PEX7: variants seen among roughly 807,000 people sequenced by gnomAD.
The protein encoded by PEX7 is PTS2 receptor.
A neutral mutation model predicts 47.5 loss-of-function variants in PEX7; 34 were observed. That is an observed-to-expected ratio of 0.72 (90% CI 0.54 to 0.95). The LOEUF (loss-of-function observed/expected upper bound fraction) is 0.95. Ranked by LOEUF, PEX7 falls within the 40% of genes least tolerant of loss-of-function variation. PEX7 has a pLI of 0.00. For missense variants in PEX7, 394 were observed against 400.3 expected (o/e 0.98, Z 0.13); for synonymous variants, 141 against 148.8 (o/e 0.95, Z 0.38).
Position 136,846,139 on chromosome 6 carries a change from A to T in PEX7, c.484A>T (p.Ile162Phe). ...CCATGAAAGTATTATTTATAGCACA[A>T]TCTGGTCTCCCCACATCCCTGGTTG... Reference protein sequence around the residue: ...RGHESIIYSTIWSPHIPGCFA... With the variant: ...RGHESIIYSTFWSPHIPGCFA... The change falls in exon 5 of 10, where the codon ATC becomes TTC. Residue 162 changes from isoleucine to phenylalanine, a missense_variant. Ile to Phe is a conservative substitution (Grantham distance 21). Coordinates refer to ENST00000318471, the MANE Select transcript of PEX7 (RefSeq NM_000288.4). 1 of 1,613,568 alleles carries T rather than the reference A, an allele frequency of 6.2e-7. No individual in the cohort carries two copies. Among genetic ancestry groups the T allele is most frequent in the Non-Finnish European group, 8.5e-7 (1 of 1,179,624 alleles).
chr6:136,869,332 C>G (rs750232029), intron 6 of PEX7, among the ~76,000 whole-genome samples: 1 of 152,072 alleles, frequency 6.6e-6, no homozygotes, highest in Non-Finnish European at 1.5e-5. Flanking sequence ...GCCTCTGACT[C>G]TTGGGCTCAC....
chr6:136,891,651 CTT>C (rs56658273), intron 8 of PEX7, among the ~76,000 whole-genome samples: 24 of 140,526 alleles, frequency 1.7e-4, no homozygotes, highest in African/African-American at 2.1e-4. Flanking sequence ...TTCAACAGCC[CTT>C]TTTTTTTTTT....
intron 8 of PEX7, among the ~76,000 whole-genome samples, chr6:136,890,886 G>T (rs1775541483): frequency 6.6e-6 from 1 of 152,176 alleles, no homozygotes; most frequent in African/African-American, 2.4e-5. Context: ...GGTGCTACCA[G>T]TTACGCTTCA....
chr6:136,833,289 A>C (rs1399826630), intron 3 of PEX7, among the ~76,000 whole-genome samples: 2 of 152,148 alleles, frequency 1.3e-5, no homozygotes, highest in Non-Finnish European at 2.9e-5. Flanking sequence ...AAAACTCACG[A>C]TCACTAGAAC....
At chr6:136,877,255 T>A (rs1326474319) in intron 8 of PEX7, among the ~76,000 whole-genome samples, 1 of 152,144 alleles carries the variant, frequency 6.6e-6, no homozygotes, top group Non-Finnish European at 1.5e-5. Flanking sequence ...TTTCTCCCAT[T>A]CTGTAGGCTG....
intron 3 of PEX7, among the ~76,000 whole-genome samples, chr6:136,834,512 C>T (rs2115147186): frequency 6.6e-6 from 1 of 152,312 alleles, no homozygotes; most frequent in South Asian, 2.1e-4. Flanking sequence ...CCACCACACC[C>T]AACTGAAAAG....
In PEX7 at chr6:136,846,177, C is replaced by CTCAG. The variant is rs1774596232; in HGVS notation, c.523_526dup (p.Gly176ValfsTer3). Reference sequence around the variant, plus strand: ...ACATCCCTGGTTGTTTTGCTTCAGCCTCAGGTAAATTATTCTGTATTTACC... The same window carrying CTCAG: ...ACATCCCTGGTTGTTTTGCTTCAGCCTCAGTCAGGTAAATTATTCTGTATTTACC... On this transcript the variant is annotated frameshift_variant, in exon 5 of 10. Transcript: ENST00000318471. LOFTEE classifies it high-confidence loss of function. 6.2e-7 allele frequency: 1 copy of CTCAG among 1,600,114 alleles called. No individual in the cohort carries two copies. The highest frequency in any genetic ancestry group is 1.3e-5 in the African/African-American group (1 of 74,552).
intron 8 of PEX7, among the ~76,000 whole-genome samples, chr6:136,885,491 A>G (rs768746431): frequency 3.9e-5 from 6 of 152,344 alleles, no homozygotes; most frequent in South Asian, 2.1e-4. Context: ...CTCTCTGCCT[A>G]TGTCAGCAAC....
intron 5 of PEX7, among the ~76,000 whole-genome samples, chr6:136,864,179 A>T (rs1409396700): frequency 2.0e-5 from 3 of 152,104 alleles, no homozygotes; most frequent in Non-Finnish European, 4.4e-5. Context: ...TGTAGTTGTG[A>T]TGTTTTTAGA....
intron 8 of PEX7, among the ~76,000 whole-genome samples, chr6:136,878,864 G>T (rs1321291505): frequency 7.9e-6 from 1 of 126,250 alleles, no homozygotes; most frequent in Non-Finnish European, 1.7e-5. Context: ...TTTTTGTTGT[G>T]TTTTTTTCTT....
chr6:136,887,133 T>A (rs548943388), intron 8 of PEX7, among the ~76,000 whole-genome samples: 1 of 152,294 alleles, frequency 6.6e-6, no homozygotes, highest in African/African-American at 2.4e-5. Context: ...TAAATTATTA[T>A]GTATTACCTA....
chr6:136,854,035 C>G (rs1255521193), intron 5 of PEX7, among the ~76,000 whole-genome samples: 5 of 151,172 alleles, frequency 3.3e-5, no homozygotes, highest in African/African-American at 7.3e-5. Flanking sequence ...CTTTCCCAAG[C>G]CTGCATCCTT....
intron 6 of PEX7, among the ~76,000 whole-genome samples, chr6:136,869,199 A>T (rs1331417707): frequency 6.6e-6 from 1 of 151,632 alleles, no homozygotes; most frequent in East Asian, 2.0e-4. Context: ...TGCTGGGATT[A>T]TAGGAGTGAA....
intron 9 of PEX7, among the ~76,000 whole-genome samples, chr6:136,903,355 T>C (rs1324576831): frequency 4.0e-5 from 6 of 149,448 alleles, no homozygotes; most frequent in Admixed American, 2.7e-4. Flanking sequence ...TTTTTTTTTT[T>C]CATAGAGACA....
Position 136,874,483 on chromosome 6 carries a change from C to T in PEX7, c.803+2230C>T, listed in dbSNP as rs552586748. Among the ~76,000 whole-genome samples the T allele has an allele frequency of 5.3e-5, 8 of 152,066 alleles. No individual in the cohort carries two copies. In the East Asian group the frequency reaches 1.4e-3, roughly 26 times the overall value. On this transcript the variant is annotated intron_variant, in intron 8 of 9. Transcript: ENST00000318471. ...GGTTAAGGGTTCAAGACCAGCCTGG[C>T]CAACATGGTGAAACCCTGTCTCTAC...
intron 8 of PEX7, among the ~76,000 whole-genome samples, chr6:136,886,067 C>T (rs962929153): frequency 2.0e-5 from 3 of 152,162 alleles, no homozygotes; most frequent in African/African-American, 4.8e-5. Flanking sequence ...AGAAGGCTGT[C>T]TCCTTGGGCT....
intron 4 of PEX7, 24 bp from the exon 5 acceptor site, chr6:136,846,049 A>G: frequency 2.1e-6 from 3 of 1,408,290 alleles, no homozygotes; most frequent in Non-Finnish European, 3.0e-6. Context: ...CCCTCAAGTA[A>G]TTGATCTATT....
At chr6:136,865,458 C>T (rs1222897640) in intron 5 of PEX7, among the ~76,000 whole-genome samples, 3 of 152,102 alleles carry the variant, frequency 2.0e-5, no homozygotes, top group African/African-American at 4.8e-5. Flanking sequence ...GCCACCACCA[C>T]GCCCAACTAA....
intron 5 of PEX7, among the ~76,000 whole-genome samples, chr6:136,863,522 T>C (rs9494588): frequency 0.64 from 96,820 of 152,018 alleles, 30,959 homozygotes; most frequent in African/African-American, 0.69. Context: ...TAAAGGGCTG[T>C]GGACCAAATT....
Sources: gnomAD v4.1 joint callset for allele counts (sites outside exome capture counted in the v4.1 genomes callset) on GRCh38, gnomAD v4.1.1 for gene constraint, MANE v1.5 for transcripts, NCBI Gene and HGNC (gene_info 2026-07-23, HGNC 2026-07-21) for gene names.